The following TSHZ2 variants were observed in gnomAD, a reference collection of about 807,000 sequenced individuals.
TSHZ2 encodes teashirt zinc finger homeobox 2, also known as teashirt homolog 2.
A neutral mutation model predicts 74.4 loss-of-function variants in TSHZ2; 21 were observed. The observed-to-expected ratio is 0.28, with a 90% CI of 0.20 to 0.41. The LOEUF is 0.41. TSHZ2 is among the 10% of genes least tolerant of loss of function. TSHZ2 has a pLI of 1.00. For synonymous variants in TSHZ2, 540 were observed against 515.3 expected (o/e 1.05, Z -0.65); for missense variants, 1,244 against 1,293.5 (o/e 0.96, Z 0.59).
At chr20:53,226,436 ATGTG>A (rs56780548) in intron 1 of TSHZ2, among the ~76,000 whole-genome samples, 1 of 145,230 alleles carries the variant, frequency 6.9e-6, no homozygotes, top group East Asian at 2.7e-4. Context: ...CGGTGTGTGT[ATGTG>A]TGTGTGTGTG....
At chr20:53,156,656 C>T (rs990906766) in intron 1 of TSHZ2, among the ~76,000 whole-genome samples, 4 of 152,198 alleles carry the variant, frequency 2.6e-5, no homozygotes, top group African/African-American at 2.4e-5. Flanking sequence ...GATTCAGAGA[C>T]GACTGAGGCT....
At chr20:53,003,257 TGTG>T (rs1440324834) in intron 1 of TSHZ2, among the ~76,000 whole-genome samples, 1 of 61,912 alleles carries the variant, frequency 1.6e-5, no homozygotes, top group Non-Finnish European at 4.5e-5. Context: ...CCAGGGATGG[TGTG>T]TGTGTGTGTG....
chr20:53,290,912 A>G (rs1263200420), intron 2 of TSHZ2, among the ~76,000 whole-genome samples: 1 of 152,206 alleles, frequency 6.6e-6, no homozygotes, highest in Non-Finnish European at 1.5e-5. Context: ...CATATTGTCT[A>G]TGGCTGCTTT....
At chr20:53,132,863 CTG>C (rs751778393) in intron 1 of TSHZ2, among the ~76,000 whole-genome samples, 15 of 152,166 alleles carry the variant, frequency 9.9e-5, no homozygotes, top group Admixed American at 9.8e-4. Context: ...TGGCTTACCT[CTG>C]ACATTCATTT....
At chr20:53,205,438 C>CT (rs1265328376) in intron 1 of TSHZ2, among the ~76,000 whole-genome samples, 1 of 152,170 alleles carries the variant, frequency 6.6e-6, no homozygotes, top group Non-Finnish European at 1.5e-5. Flanking sequence ...CTGCATTGAG[C>CT]TGAAACCAAC....
chr20:53,463,432 AAGG>A (rs1568929584), intron 2 of TSHZ2, among the ~76,000 whole-genome samples: 1,237 of 111,816 alleles, frequency 0.011, 39 homozygotes, highest in African/African-American at 0.02. Flanking sequence ...GGAAGGAAGG[AAGG>A]AGGGAGGGAG....
At chr20:53,172,807 C>A (rs148735264) in intron 1 of TSHZ2, among the ~76,000 whole-genome samples, 1 of 152,208 alleles carries the variant, frequency 6.6e-6, no homozygotes, top group Non-Finnish European at 1.5e-5. Context: ...ATATTCCATT[C>A]GGTCCTCTTC....
intron 1 of TSHZ2, among the ~76,000 whole-genome samples, chr20:53,022,230 G>C (rs946424256): frequency 6.6e-6 from 1 of 152,216 alleles, no homozygotes; most frequent in Non-Finnish European, 1.5e-5. Flanking sequence ...CCTAGCACTA[G>C]ACTCTAAGAG....
At chr20:53,002,032 G>A (rs1982461175) in intron 1 of TSHZ2, among the ~76,000 whole-genome samples, 1 of 152,174 alleles carries the variant, frequency 6.6e-6, no homozygotes, top group African/African-American at 2.4e-5. Context: ...AACCCAGGGA[G>A]GAAAATCTAA....
At chr20:53,278,827 C>G (rs1202535576) in intron 2 of TSHZ2, among the ~76,000 whole-genome samples, 1 of 152,172 alleles carries the variant, frequency 6.6e-6, no homozygotes, top group African/African-American at 2.4e-5. Context: ...TGTGTCACAA[C>G]TACAGCTGAC....
chr20:53,390,987 T>C (rs1982227910), intron 2 of TSHZ2, among the ~76,000 whole-genome samples: 2 of 152,216 alleles, frequency 1.3e-5, no homozygotes. Flanking sequence ...GAAGCAGCCA[T>C]AGATAATATA....
At chr20:53,420,262 C>T (rs188615085) in intron 2 of TSHZ2, among the ~76,000 whole-genome samples, 110 of 152,250 alleles carry the variant, frequency 7.2e-4, no homozygotes, top group African/African-American at 2.5e-3. Context: ...TCAGGGAAGG[C>T]GTCTCAGAGA....
chr20:53,297,517 A>G (rs1991401756), intron 2 of TSHZ2, among the ~76,000 whole-genome samples: 2 of 152,178 alleles, frequency 1.3e-5, no homozygotes, highest in East Asian at 1.9e-4. Flanking sequence ...TGAGCCTATA[A>G]AATGCTGCGA....
intron 1 of TSHZ2, among the ~76,000 whole-genome samples, chr20:53,154,890 T>C (rs913456520): frequency 6.6e-6 from 1 of 152,172 alleles, no homozygotes; most frequent in Non-Finnish European, 1.5e-5. Context: ...TCATTATCAT[T>C]ATTGACATGC....
Position 53,255,611 on chromosome 20 carries a change from G to C in TSHZ2, c.2153G>C (p.Cys718Ser). Residue 718 changes from cysteine to serine, a missense_variant, in exon 2 of 3, where the codon TGC (cysteine) becomes TCC (serine). This residue lies in a region of TSHZ2 where 562 missense variants were observed against 544.0 expected (regional missense o/e 1.03). Coordinates refer to ENST00000371497, the MANE Select transcript of TSHZ2 (RefSeq NM_173485.6). The surrounding 1 kb of genome is among the most constrained non-coding windows in gnomAD (Gnocchi z 4.1). ...ACGGAGCCCTTGCGCTCACCTTCCT[G>C]CTCCAGCCCAAGTTCAAGCACAATT... ...KATEPLRSPS[C>S]SSPSSSTISM... 2 of 1,583,960 alleles carry C rather than the reference G, an allele frequency of 1.3e-6. No homozygotes were observed. The highest frequency in any genetic ancestry group is 1.7e-6 in the Non-Finnish European group (2 of 1,165,268).
intron 2 of TSHZ2, among the ~76,000 whole-genome samples, chr20:53,432,268 C>T (rs1407036608): frequency 6.6e-6 from 1 of 152,128 alleles, no homozygotes. Context: ...GAATAATGGC[C>T]TCCAGTTCTG....
intron 2 of TSHZ2, among the ~76,000 whole-genome samples, chr20:53,470,055 C>A (rs1297418800): frequency 6.6e-6 from 1 of 152,188 alleles, no homozygotes. Flanking sequence ...CATTTGGAAA[C>A]TCAGCCACTT....
intron 1 of TSHZ2, among the ~76,000 whole-genome samples, chr20:53,054,051 T>C (rs1392247739): frequency 6.6e-6 from 1 of 152,188 alleles, no homozygotes; most frequent in East Asian, 1.9e-4. Context: ...ATTTCCTTGC[T>C]CTGGAATTGA....
intron 2 of TSHZ2, among the ~76,000 whole-genome samples, chr20:53,469,045 T>TTATATATATATATATATATATA (rs143724013): frequency 7.3e-4 from 36 of 49,104 alleles, no homozygotes; most frequent in East Asian, 2.4e-3. Flanking sequence ...AATCGATATT[T>TTATATATATATATATATATATA]TATATATATA....
Sources: allele counts gnomAD v4.1 joint callset (sites outside exome capture counted in the v4.1 genomes callset), GRCh38; gene constraint gnomAD v4.1.1; regional missense constraint gnomAD v4.1.1; non-coding constraint Gnocchi (gnomAD v3.1); transcripts MANE v1.5; gene names NCBI Gene and HGNC (gene_info 2026-07-23, HGNC 2026-07-21).